Variants in PDXDC1 observed in about 807,000 individuals in gnomAD.
The protein encoded by PDXDC1 is pyridoxal dependent decarboxylase domain containing 1, also known as pyridoxal-dependent decarboxylase domain-containing protein 1.
Under a neutral mutation model 100.1 loss-of-function variants are expected in PDXDC1, and 42 were observed. The ratio of observed to expected loss-of-function variants is 0.42; its 90% confidence interval spans 0.33 to 0.54. PDXDC1 has a LOEUF of 0.54. PDXDC1 is among the 20% of genes least tolerant of loss of function. PDXDC1 has a pLI of 0.10. For synonymous variants in PDXDC1, 260 were observed against 371.7 expected (o/e 0.70, Z 3.46); for missense variants, 636 against 979.2 (o/e 0.65, Z 4.68).
intron 3 of PDXDC1, among the ~76,000 whole-genome samples, chr16:15,000,936 G>T (rs1973007753): frequency 6.7e-6 from 1 of 149,144 alleles, no homozygotes. Flanking sequence ...ATAATGTATA[G>T]TATATAATAC....
downstream of PDXDC1, among the ~76,000 whole-genome samples, chr16:15,144,030 G>C (rs947974582): frequency 1.3e-5 from 2 of 152,154 alleles, no homozygotes; most frequent in African/African-American, 2.4e-5. Context: ...CTCCTCCCTC[G>C]GCAGGGGCAG....
At chr16:15,129,405 C>G (rs1236047375) in intron 16 of PDXDC1, among the ~76,000 whole-genome samples, 1 of 152,116 alleles carries the variant, frequency 6.6e-6, no homozygotes, top group Admixed American at 6.5e-5. Flanking sequence ...CGCCACTGCA[C>G]TCCAGCCTGG....
At chr16:15,132,942 C>T in intron 16 of PDXDC1, 1 of 1,576,758 alleles carries the variant, frequency 6.3e-7, no homozygotes, top group Non-Finnish European at 8.6e-7. Flanking sequence ...AGCAGATGCC[C>T]ACGACTCCCG....
chr16:15,015,572 C>A (rs1319779517), intron 8 of PDXDC1, among the ~76,000 whole-genome samples: 2 of 152,244 alleles, frequency 1.3e-5, no homozygotes, highest in African/African-American at 4.8e-5. Context: ...AAAAAATTAG[C>A]CGGGCGTGGT....
At chr16:15,016,769 C>T (rs1397217832) in intron 9 of PDXDC1, among the ~76,000 whole-genome samples, 9 of 152,282 alleles carry the variant, frequency 5.9e-5, no homozygotes, top group African/African-American at 1.4e-4. Context: ...GCAGGGGGAA[C>T]GGACGTGGGC....
intron 16 of PDXDC1, chr16:15,131,575 C>T (rs543049158): frequency 3.1e-5 from 50 of 1,607,828 alleles, no homozygotes; most frequent in South Asian, 1.2e-4. Flanking sequence ...CACGCGGGAG[C>T]GCGTGAGGAT....
intron 1 of PDXDC1, among the ~76,000 whole-genome samples, chr16:14,992,128 T>C (rs1970987750): frequency 6.6e-6 from 1 of 152,282 alleles, no homozygotes; most frequent in Non-Finnish European, 1.5e-5. Flanking sequence ...TGAGGATAAA[T>C]GGCAGCCGCA....
intron 16 of PDXDC1, among the ~76,000 whole-genome samples, chr16:15,086,874 G>T (rs3954027): frequency 6.6e-6 from 1 of 152,158 alleles, no homozygotes; most frequent in Non-Finnish European, 1.5e-5. Flanking sequence ...AAACTCAGTC[G>T]AGGCTGATCA....
downstream of PDXDC1, among the ~76,000 whole-genome samples, chr16:15,040,745 G>A (rs562715532): frequency 5.9e-4 from 90 of 152,258 alleles, no homozygotes; most frequent in Non-Finnish European, 6.3e-4. Flanking sequence ...AAAGCACGCC[G>A]GGCCTGGGGT....
chr16:14,984,653 G>A (rs1390563757), intron 1 of PDXDC1, among the ~76,000 whole-genome samples: 6 of 151,746 alleles, frequency 4.0e-5, no homozygotes, highest in African/African-American at 9.7e-5. Flanking sequence ...ACACCACCAC[G>A]CCCAGGTAAT....
At chr16:14,985,899 G>A (rs1969252038) in intron 1 of PDXDC1, among the ~76,000 whole-genome samples, 1 of 152,184 alleles carries the variant, frequency 6.6e-6, no homozygotes, top group Non-Finnish European at 1.5e-5. Context: ...AGGAGTTTGA[G>A]ATCAGCCTGG....
downstream of PDXDC1, among the ~76,000 whole-genome samples, chr16:15,139,771 A>T (rs1310606181): frequency 1.3e-5 from 2 of 151,848 alleles, no homozygotes; most frequent in African/African-American, 4.8e-5. Context: ...ACAGAGCAAG[A>T]CCCGGTCTCG....
intron 16 of PDXDC1, among the ~76,000 whole-genome samples, chr16:15,078,914 C>A (rs372184743): frequency 3.9e-5 from 6 of 151,918 alleles, no homozygotes. Context: ...CGGATTCACA[C>A]CATTCTCCTG....
At chr16:15,145,883 G>A in the PDXDC1 span, among the ~76,000 whole-genome samples, 142 of 152,338 alleles carry the variant, frequency 9.3e-4, no homozygotes, top group Middle Eastern at 3.4e-3. Flanking sequence ...GGTGCTTGGC[G>A]GGCTGGGCTG....
chr16:15,001,387 G>A (rs1293732270), intron 3 of PDXDC1, among the ~76,000 whole-genome samples: 1 of 152,298 alleles, frequency 6.6e-6, no homozygotes, highest in African/African-American at 2.4e-5. Context: ...TACTCAGGAG[G>A]CTGAGGCAGG....
intron 16 of PDXDC1, among the ~76,000 whole-genome samples, chr16:15,065,974 T>C (rs1212562166): frequency 6.6e-6 from 1 of 152,192 alleles, no homozygotes; most frequent in Non-Finnish European, 1.5e-5. Context: ...TAAAGACAAT[T>C]ATGTTTTTAA....
chr16:15,083,500 A>G, intron 16 of PDXDC1: 1 of 1,608,660 alleles, frequency 6.2e-7, no homozygotes, highest in Non-Finnish European at 8.5e-7. Flanking sequence ...TTCTCAATGA[A>G]AAGATTTCTT....
chr16:15,127,897 C>G (rs1386167515), intron 16 of PDXDC1: 1 of 1,519,226 alleles, frequency 6.6e-7, no homozygotes, highest in African/African-American at 1.4e-5. Flanking sequence ...GGCTGCGTGA[C>G]CTAGAAGGCA....
chr16:15,007,376 G>A (rs1482864925), intron 6 of PDXDC1, among the ~76,000 whole-genome samples: 14 of 152,202 alleles, frequency 9.2e-5, no homozygotes, highest in African/African-American at 2.2e-4. Context: ...GGGTTTCACC[G>A]TGTTAGCCAG....
Sources: gnomAD v4.1 joint callset for allele counts (sites outside exome capture counted in the v4.1 genomes callset) on GRCh38, gnomAD v4.1.1 for gene constraint, MANE v1.5 for transcripts, NCBI Gene and HGNC (gene_info 2026-07-23, HGNC 2026-07-21) for gene names.